Variants in NANP observed in about 807,000 individuals in gnomAD.
NANP encodes N-acetylneuraminic acid phosphatase, also known as N-acylneuraminate-9-phosphatase.
Under a neutral mutation model 16.9 loss-of-function variants are expected in NANP, and 15 were observed. The observed-to-expected ratio is 0.89, with a 90% CI of 0.59 to 1.37. The LOEUF (loss-of-function observed/expected upper bound fraction) is 1.37, where lower values mean the gene tolerates loss of function less well. Ranked by LOEUF, NANP falls within the 40% of genes most tolerant of loss-of-function variation. The probability of loss-of-function intolerance (pLI) is 0.00; values close to 1 mark genes in which losing one functional copy is unlikely to be tolerated. For missense variants in NANP, 290 were observed against 303.5 expected (o/e 0.96, Z 0.33); for synonymous variants, 135 against 112.6 (o/e 1.20, Z -1.26).
chr20:25,620,675 T>C (rs1366044568), intron 1 of NANP, among the ~76,000 whole-genome samples: 2 of 152,140 alleles, frequency 1.3e-5, no homozygotes, highest in African/African-American at 4.8e-5. Context: ...AATGACCCTG[T>C]GGTCTATGAG....
chr20:25,618,457 T>C (rs1381704831), intron 1 of NANP, among the ~76,000 whole-genome samples: 4 of 152,146 alleles, frequency 2.6e-5, no homozygotes, highest in African/African-American at 2.4e-5. Context: ...TGCCAAGAGA[T>C]GCAACTGGGG....
chr20:25,621,038 A>G (rs763239153), intron 1 of NANP, among the ~76,000 whole-genome samples: 16 of 152,124 alleles, frequency 1.1e-4, no homozygotes, highest in Non-Finnish European at 2.2e-4. Flanking sequence ...ACATGGTGCT[A>G]TCCCTACTGA....
Position 25,616,147 on chromosome 20 carries a change from A to G in NANP, c.525T>C (p.Asn175=), listed in dbSNP as rs1244793224. 6.2e-7 allele frequency: 1 copy of G among 1,614,122 alleles called. No individual in the cohort carries two copies. ...AGTCCCCAGGTTGTACTCCGAGAAG[A>G]TTGCAGCAGTAATAAAATATGGACG... ...PAPSIFYYCC[N]LLGVQPGDCV... Residue 175 remains asparagine, a synonymous_variant, in exon 2 of 2, where the codon AAT becomes AAC. Coordinates refer to ENST00000304788, the MANE Select transcript of NANP (RefSeq NM_152667.3).
intron 1 of NANP, among the ~76,000 whole-genome samples, chr20:25,620,166 A>C (rs1456284128): frequency 6.6e-6 from 1 of 152,238 alleles, no homozygotes; most frequent in Non-Finnish European, 1.5e-5. Context: ...GCGTTATTAC[A>C]AACTCTCCTA....
intron 1 of NANP, among the ~76,000 whole-genome samples, chr20:25,619,349 A>G (rs1351540392): frequency 6.6e-6 from 1 of 152,090 alleles, no homozygotes; most frequent in Non-Finnish European, 1.5e-5. Flanking sequence ...TTTAACTCCT[A>G]GCCTCAAGCA....
intron 1 of NANP, among the ~76,000 whole-genome samples, chr20:25,618,617 C>T (rs1402504581): frequency 6.6e-6 from 1 of 151,992 alleles, no homozygotes; most frequent in Non-Finnish European, 1.5e-5. Context: ...CTTGGCCACA[C>T]ACAAGGGTAT....
rs754737224 is a variant in NANP at position 25,623,907 on chromosome 20, G to A, written c.42C>T (p.Asp14=). The change falls in exon 1 of 2, where the codon GAC becomes GAT. Residue 14 remains aspartate, a synonymous_variant. Transcript: ENST00000304788. ...CCCCGGCCGTGTCGATGAGAGTGTT[G>A]TCCAAGTCAAAGAAAACCGCCCGCA... The part of the protein sequence containing the change: ...SRVRAVFFDL[D]NTLIDTAGAS... 2.5e-6 allele frequency: 4 copies of A among 1,613,530 alleles called. No individual in the cohort carries two copies. The highest frequency in any genetic ancestry group is 3.4e-6 in the Non-Finnish European group (4 of 1,179,722).
In NANP at chr20:25,614,348, T is replaced by C. The variant is rs2065333606; in HGVS notation, c.*1577A>G. On this transcript the variant is annotated 3_prime_UTR_variant, in exon 2 of 2. Coordinates refer to ENST00000304788, the MANE Select transcript of NANP (RefSeq NM_152667.3). ...ATATAACAGTTGGAAGAAAAACATA[T>C]CAAAAACCAACCTAAATCATATTTA... The C allele has an allele frequency of 6.6e-6, 1 of 152,314 alleles. No homozygotes were observed. Among genetic ancestry groups the C allele is most frequent in the Non-Finnish European group, 1.5e-5 (1 of 68,158 alleles). The allele number at this position is 152,314 out of a possible 1,614,324, so 9.4% of individuals were successfully genotyped here. A position where few individuals can be genotyped will look rare whatever the true frequency, so the allele number is the denominator to read the frequency against.
intron 1 of NANP, among the ~76,000 whole-genome samples, chr20:25,623,260 G>A (rs1482342748): frequency 6.6e-6 from 1 of 152,232 alleles, no homozygotes; most frequent in East Asian, 1.9e-4. Flanking sequence ...TGCCCTCGCA[G>A]CACGGGCTTT....
chr20:25,623,906 T>A lies in NANP; in HGVS notation c.43A>T (p.Asn15Tyr). 6.2e-7 allele frequency: 1 copy of A among 1,613,462 alleles called. No homozygotes were observed. Among genetic ancestry groups the A allele is most frequent in the Non-Finnish European group, 8.5e-7 (1 of 1,179,710 alleles). Residue 15 changes from asparagine (N) to tyrosine (Y), a missense_variant, in exon 1 of 2, where the codon AAC becomes TAC. By Grantham distance (143) the Asn-to-Tyr change is moderately radical. Transcript: ENST00000304788. ...GCCCCGGCCGTGTCGATGAGAGTGT[T>A]GTCCAAGTCAAAGAAAACCGCCCGC... ...RVRAVFFDLD[N>Y]TLIDTAGASR...
At chr20:25,620,946 G>A (rs540425468) in intron 1 of NANP, among the ~76,000 whole-genome samples, 8 of 152,080 alleles carry the variant, frequency 5.3e-5, no homozygotes, top group African/African-American at 1.2e-4. Context: ...CCAGCCCGCC[G>A]CCAATGGACC....
chr20:25,623,665 C>A (rs1274402414), intron 1 of NANP, among the ~76,000 whole-genome samples, 194 bp downstream of exon 1: 1 of 152,178 alleles, frequency 6.6e-6, no homozygotes, highest in Non-Finnish European at 1.5e-5. Context: ...CAAGCGGCCG[C>A]CAGGCCAGGG....
chr20:25,615,679 A>C lies in NANP; in HGVS notation c.*246T>G. 1 of 405,782 alleles carries C rather than the reference A, an allele frequency of 2.5e-6. No individual in the cohort carries two copies. The highest frequency in any genetic ancestry group is 4.3e-6 in the Non-Finnish European group (1 of 230,422). 25.1% of individuals were successfully genotyped at this position (405,782 alleles called of 1,614,324 possible). Reference sequence around the variant, plus strand: ...ACTAACAAATAATATATTTCCTTAAATTTTCTGGGCTATACTACTGACCTG... The same window carrying C: ...ACTAACAAATAATATATTTCCTTAACTTTTCTGGGCTATACTACTGACCTG... On this transcript the variant is annotated 3_prime_UTR_variant, in exon 2 of 2. Coordinates refer to ENST00000304788, the MANE Select transcript of NANP (RefSeq NM_152667.3).
Position 25,617,100 on chromosome 20 carries a change from T to C in NANP, c.91-519A>G, listed in dbSNP as rs564279791. Among the ~76,000 whole-genome samples, 11 of 152,344 alleles carry C rather than the reference T, an allele frequency of 7.2e-5. No homozygotes were observed. The East Asian group carries it at 2.1e-3, about 29-fold the overall frequency. On this transcript the variant is annotated intron_variant, in intron 1 of 1. Transcript: ENST00000304788. Reference sequence around the variant, plus strand: ...TTTAAAATTTCTGACAACCACTATTTAGACTATCATCAGAAAAAAATAACA... The same window carrying C: ...TTTAAAATTTCTGACAACCACTATTCAGACTATCATCAGAAAAAAATAACA...
intron 1 of NANP, among the ~76,000 whole-genome samples, chr20:25,623,242 G>A (rs2065374090): frequency 6.6e-6 from 1 of 152,220 alleles, no homozygotes; most frequent in South Asian, 2.1e-4. Flanking sequence ...AGCGCCTCAG[G>A]AAGGGCATGC....
At chr20:25,621,308 C>T (rs1470534692) in intron 1 of NANP, among the ~76,000 whole-genome samples, 1 of 152,120 alleles carries the variant, frequency 6.6e-6, no homozygotes, top group Non-Finnish European at 1.5e-5. Flanking sequence ...CACTGCCATA[C>T]CCACTAAGAA....
At chr20:25,619,249 G>C (rs537300821) in intron 1 of NANP, among the ~76,000 whole-genome samples, 1 of 150,048 alleles carries the variant, frequency 6.7e-6, no homozygotes, top group East Asian at 2.0e-4. Flanking sequence ...TCAGTCCCCC[G>C]AATAGCTAGA....
chr20:25,613,745 A>C lies in NANP; in HGVS notation c.*2180T>G. 2.5e-6 allele frequency: 1 copy of C among 398,480 alleles called. No individual in the cohort carries two copies. Among genetic ancestry groups the C allele is most frequent in the East Asian group, 3.6e-5 (1 of 28,062 alleles). The allele number at this position is 398,480 out of a possible 1,614,324, so 24.7% of individuals were successfully genotyped here. ...GAAGACAAGGAAATTTAATTATTCA[A>C]TTTTTTCCTTCTACATCATTTCTGC... is the stretch of plus-strand genomic sequence containing the variant. On this transcript the variant is annotated 3_prime_UTR_variant, in exon 2 of 2. Coordinates refer to ENST00000304788, the MANE Select transcript of NANP (RefSeq NM_152667.3).
At chr20:25,618,292 G>A (rs1051463974) in intron 1 of NANP, among the ~76,000 whole-genome samples, 1 of 152,118 alleles carries the variant, frequency 6.6e-6, no homozygotes, top group Non-Finnish European at 1.5e-5. Flanking sequence ...AAGTCACATT[G>A]AGACCAAGGA....
Sources: gnomAD v4.1 joint callset for allele counts (sites outside exome capture counted in the v4.1 genomes callset) on GRCh38, gnomAD v4.1.1 for gene constraint, MANE v1.5 for transcripts, NCBI Gene and HGNC (gene_info 2026-07-23, HGNC 2026-07-21) for gene names.